The following PTBP2 variants were observed in gnomAD, a reference collection of about 807,000 sequenced individuals.
The protein encoded by PTBP2 is polypyrimidine tract-binding protein 2.
Under a neutral mutation model 61.4 loss-of-function variants are expected in PTBP2, and 13 were observed. The observed-to-expected ratio is 0.21, with a 90% confidence interval of 0.14 to 0.34. The LOEUF is 0.34. Among genes scored for constraint, PTBP2 ranks in the 10% least tolerant of loss-of-function variants. The pLI is 1.00. For missense variants in PTBP2, 405 were observed against 642.6 expected, an observed-to-expected ratio of 0.63 and a Z score of 4.00; for synonymous variants, 215 against 218.5, an observed-to-expected ratio of 0.98 and a Z score of 0.14.
At chr1:96,809,688 A>G (rs922067083) in intron 11 of PTBP2, among the ~76,000 whole-genome samples, 3 of 152,046 alleles carry the variant, frequency 2.0e-5, no homozygotes, top group African/African-American at 7.2e-5. Flanking sequence ...ATTTATTATT[A>G]TTATTATTTT....
chr1:96,745,288 G>T (rs1265872512), intron 2 of PTBP2, among the ~76,000 whole-genome samples: 2 of 151,734 alleles, frequency 1.3e-5, no homozygotes, highest in African/African-American at 4.8e-5. Flanking sequence ...TCAGCCTCCC[G>T]AGTAGCTGGG....
At chr1:96,748,000 G>A (rs1654065448) in intron 2 of PTBP2, among the ~76,000 whole-genome samples, 1 of 151,708 alleles carries the variant, frequency 6.6e-6, no homozygotes, top group African/African-American at 2.4e-5. Flanking sequence ...TAATAGGTAG[G>A]TGGTATTCAG....
At chr1:96,775,143 A>G (rs902282529) in intron 5 of PTBP2, among the ~76,000 whole-genome samples, 2 of 152,224 alleles carry the variant, frequency 1.3e-5, no homozygotes, top group Admixed American at 1.3e-4. Flanking sequence ...TTAACTCCGA[A>G]TGAGATACTG....
At chr1:96,779,557 T>A (rs1017484901) in intron 7 of PTBP2, among the ~76,000 whole-genome samples, 1 of 152,094 alleles carries the variant, frequency 6.6e-6, no homozygotes, top group African/African-American at 2.4e-5. Context: ...TTGTTTAATC[T>A]TCTGTGAACA....
intron 2 of PTBP2, among the ~76,000 whole-genome samples, chr1:96,725,463 C>G (rs1650292834): frequency 6.6e-6 from 1 of 151,980 alleles, no homozygotes; most frequent in Non-Finnish European, 1.5e-5. Flanking sequence ...CCACGCCCGG[C>G]TAATTTTTTG....
At chr1:96,737,865 A>G (rs1350142978) in intron 2 of PTBP2, among the ~76,000 whole-genome samples, 1 of 152,134 alleles carries the variant, frequency 6.6e-6, no homozygotes, top group Non-Finnish European at 1.5e-5. Context: ...TGTTTTCATA[A>G]CTACTGTTGT....
At chr1:96,753,507 T>C (rs186786481) in intron 3 of PTBP2, among the ~76,000 whole-genome samples, 12 of 152,070 alleles carry the variant, frequency 7.9e-5, no homozygotes, top group East Asian at 3.9e-4. Context: ...AGACATGATA[T>C]AGTTTTCCTG....
chr1:96,774,163 TTTG>T (rs1360727738), intron 5 of PTBP2, among the ~76,000 whole-genome samples: 1 of 151,026 alleles, frequency 6.6e-6, no homozygotes, highest in Non-Finnish European at 1.5e-5. Context: ...TTAAGGGAGA[TTTG>T]TTGTTGTTTT....
chr1:96,758,174 A>G (rs1010950233), intron 3 of PTBP2, among the ~76,000 whole-genome samples: 1 of 152,086 alleles, frequency 6.6e-6, no homozygotes, highest in African/African-American at 2.4e-5. Context: ...AGGCTAACAA[A>G]TTCAGCAACT....
chr1:96,729,014 GT>G (rs907777704), intron 2 of PTBP2, among the ~76,000 whole-genome samples: 3 of 151,994 alleles, frequency 2.0e-5, no homozygotes, highest in Non-Finnish European at 2.9e-5. Context: ...AGATCTAATA[GT>G]TTTTTTTATA....
chr1:96,781,250 C>G (rs1035061777), intron 7 of PTBP2, among the ~76,000 whole-genome samples: 4 of 152,046 alleles, frequency 2.6e-5, no homozygotes, highest in Non-Finnish European at 2.9e-5. Context: ...CTGAACTCAC[C>G]ATTTTGACAT....
intron 2 of PTBP2, among the ~76,000 whole-genome samples, chr1:96,746,725 G>T (rs1469605035): frequency 2.0e-5 from 3 of 148,578 alleles, no homozygotes; most frequent in East Asian, 2.0e-4. Flanking sequence ...AAAAAAGTGT[G>T]TGTTTTACAG....
At chr1:96,723,481 A>G (rs1398470576) in intron 1 of PTBP2, 83 bp from the exon 2 acceptor site, 2 of 1,129,954 alleles carry the variant, frequency 1.8e-6, no homozygotes, top group South Asian at 1.7e-5. Flanking sequence ...TGAATGATGG[A>G]CTATCCTAAA....
At position 96,804,573 on chromosome 1, in the gene PTBP2, A is replaced by G. The variant is rs373018458; in HGVS notation, c.905-227A>G. 1.2e-4 allele frequency among the ~76,000 whole-genome samples: 18 copies of G among 152,284 alleles called. No individual in the cohort carries two copies. The East Asian group carries it at 1.4e-3, about 11-fold the overall frequency. ...TTTGATATTTTAACATAATACAGGT[A>G]TGTACTTTAGTTCAAATAATTAATG... On this transcript the variant is annotated intron_variant, in intron 8 of 13. Transcript: ENST00000674951.
chr1:96,774,015 GCCTGTAATCCC>G (rs1176242452), intron 5 of PTBP2, among the ~76,000 whole-genome samples: 1 of 149,154 alleles, frequency 6.7e-6, no homozygotes, highest in African/African-American at 2.5e-5. Context: ...TTTGGCTCAT[GCCTGTAATCCC>G]AGCACTTTGA....
At chr1:96,774,029 C>T (rs1657721657) in intron 5 of PTBP2, among the ~76,000 whole-genome samples, 1 of 151,056 alleles carries the variant, frequency 6.6e-6, no homozygotes, top group Admixed American at 6.6e-5. Context: ...GTAATCCCAG[C>T]ACTTTGAGAA....
chr1:96,772,684 G>C (rs944823464), intron 5 of PTBP2, among the ~76,000 whole-genome samples: 15 of 152,040 alleles, frequency 9.9e-5, no homozygotes, highest in African/African-American at 2.9e-4. Context: ...GTCTTTCTTT[G>C]TTTGACTTAT....
chr1:96,811,148 A>T (rs541856171), intron 11 of PTBP2, among the ~76,000 whole-genome samples: 2 of 152,184 alleles, frequency 1.3e-5, no homozygotes, highest in East Asian at 3.9e-4. Flanking sequence ...AGTTATAGGT[A>T]AAATAAGAAT....
chr1:96,750,605 C>T (rs1242122767), intron 2 of PTBP2, among the ~76,000 whole-genome samples: 1 of 151,898 alleles, frequency 6.6e-6, no homozygotes, highest in Non-Finnish European at 1.5e-5. Flanking sequence ...GCCTCCTTTG[C>T]ACATTTTTTT....
Sources: gnomAD v4.1 joint callset for allele counts (sites outside exome capture counted in the v4.1 genomes callset) on GRCh38, gnomAD v4.1.1 for gene constraint, MANE v1.5 for transcripts, NCBI Gene and HGNC (gene_info 2026-07-23, HGNC 2026-07-21) for gene names.